Variants in WWOX observed in about 807,000 individuals in gnomAD.
WWOX encodes the protein WW domain-containing oxidoreductase.
In WWOX, 69 loss-of-function variants were observed where a neutral mutation model predicts 46.2. The ratio of observed to expected loss-of-function variants is 1.49; its 90% CI spans 1.23 to 1.82. The LOEUF (loss-of-function observed/expected upper bound fraction) is 1.82, where lower values mean the gene tolerates loss of function less well. Ranked by LOEUF, WWOX falls within the 40% of genes most tolerant of loss-of-function variation. WWOX has a pLI of 0.00. For missense variants in WWOX, 919 were observed against 542.6 expected, an observed-to-expected ratio of 1.69 and a Z score of -6.89; for synonymous variants, 359 against 202.6, an observed-to-expected ratio of 1.77 and a Z score of -6.56.
intron 8 of WWOX, among the ~76,000 whole-genome samples, chr16:78,639,411 G>T (rs947387040): frequency 6.6e-6 from 1 of 152,198 alleles, no homozygotes; most frequent in Non-Finnish European, 1.5e-5. Flanking sequence ...TCACTTTGCA[G>T]ATGAGGAAAT....
intron 5 of WWOX, among the ~76,000 whole-genome samples, chr16:78,189,458 A>G (rs2035813098): frequency 6.6e-6 from 1 of 152,160 alleles, no homozygotes; most frequent in Non-Finnish European, 1.5e-5. Flanking sequence ...TGTCTTTGTA[A>G]TAATGCTGGA....
At chr16:78,432,423 A>G in intron 7 of WWOX, 65 bp from the exon 8 acceptor site, 2 of 1,596,064 alleles carry the variant, frequency 1.3e-6, no homozygotes, top group Non-Finnish European at 1.7e-6. Context: ...GATTTCCAAT[A>G]AAAATAAAAA....
At chr16:78,936,426 T>G (rs932085316) in intron 8 of WWOX, among the ~76,000 whole-genome samples, 2 of 152,142 alleles carry the variant, frequency 1.3e-5, no homozygotes, top group African/African-American at 4.8e-5. Flanking sequence ...CTTCTTACTC[T>G]CTAGAGCTCT....
At chr16:78,989,131 T>A (rs1469615191) in intron 8 of WWOX, among the ~76,000 whole-genome samples, 3 of 152,104 alleles carry the variant, frequency 2.0e-5, no homozygotes, top group Non-Finnish European at 4.4e-5. Context: ...ATCAGCATAT[T>A]TAGAGTTCTG....
intron 8 of WWOX, among the ~76,000 whole-genome samples, chr16:78,809,756 G>C (rs181378860): frequency 4.6e-5 from 7 of 152,272 alleles, no homozygotes; most frequent in Admixed American, 3.9e-4. Context: ...TCAAAGCTTA[G>C]CTGGGACAGG....
chr16:78,944,416 T>A (rs77180146), intron 8 of WWOX, among the ~76,000 whole-genome samples: 1 of 151,994 alleles, frequency 6.6e-6, no homozygotes, highest in Admixed American at 6.6e-5. Flanking sequence ...TTGAATGGAG[T>A]CAAATTATAA....
intron 8 of WWOX, among the ~76,000 whole-genome samples, chr16:78,623,050 C>G (rs759944791): frequency 5.3e-5 from 8 of 151,934 alleles, no homozygotes; most frequent in Non-Finnish European, 1.0e-4. Flanking sequence ...TGCTAGCAAC[C>G]TAAGGGAGCT....
At chr16:79,191,989 A>G (rs575450930) in intron 8 of WWOX, among the ~76,000 whole-genome samples, 5 of 152,342 alleles carry the variant, frequency 3.3e-5, no homozygotes, top group African/African-American at 7.2e-5. Context: ...AAATACCGCA[A>G]TCACTTGAAA....
At chr16:78,119,717 T>C (rs2032994945) in intron 4 of WWOX, among the ~76,000 whole-genome samples, 1 of 151,994 alleles carries the variant, frequency 6.6e-6, no homozygotes, top group African/African-American at 2.4e-5. Flanking sequence ...CCTCCCACCT[T>C]AGCCTCCCAA....
Position 78,888,136 on chromosome 16 carries a change from CA to C in WWOX, c.1057-323470del, listed in dbSNP as rs557544283. ...CTTGTTGTAGTGTCAGTGCCATTTA[CA>C]ACAAAAAGCTGGCTCCTTTTAAAAG... is the stretch of plus-strand genomic sequence containing the variant. On this transcript the variant is annotated intron_variant, in intron 8 of 8. Transcript: ENST00000566780. Among the ~76,000 whole-genome samples the C allele has an allele frequency of 1.1e-4, 17 of 152,256 alleles. No homozygotes were observed. In the East Asian group the frequency reaches 3.3e-3, roughly 29 times the overall value.
At chr16:78,792,554 G>C (rs2142603801) in intron 8 of WWOX, among the ~76,000 whole-genome samples, 2 of 152,212 alleles carry the variant, frequency 1.3e-5, no homozygotes, top group South Asian at 4.2e-4. Context: ...AAAACTTAGG[G>C]CCATTTAATA....
intron 8 of WWOX, among the ~76,000 whole-genome samples, chr16:79,091,969 C>T (rs927373320): frequency 1.3e-5 from 2 of 151,692 alleles, no homozygotes; most frequent in Non-Finnish European, 2.9e-5. Context: ...TTAGTAGAGA[C>T]GGAGTTTCAC....
chr16:79,177,587 T>C (rs958780521), intron 8 of WWOX, among the ~76,000 whole-genome samples: 8 of 152,078 alleles, frequency 5.3e-5, no homozygotes, highest in Non-Finnish European at 1.2e-4. Context: ...AAATGGGTGA[T>C]GGAGTGGGGG....
At chr16:78,504,489 T>G (rs1041531303) in intron 8 of WWOX, among the ~76,000 whole-genome samples, 25 of 152,218 alleles carry the variant, frequency 1.6e-4, no homozygotes, top group African/African-American at 6.0e-4. Flanking sequence ...CACCTCGCAG[T>G]TTTCTTCCAG....
chr16:78,192,872 T>A (rs1176865101), intron 5 of WWOX, among the ~76,000 whole-genome samples: 1 of 152,230 alleles, frequency 6.6e-6, no homozygotes, highest in East Asian at 1.9e-4. Flanking sequence ...GTTAGAAATT[T>A]TCTCAGTCGA....
chr16:79,197,764 C>A (rs2051268819), intron 8 of WWOX, among the ~76,000 whole-genome samples: 1 of 152,088 alleles, frequency 6.6e-6, no homozygotes, highest in South Asian at 2.1e-4. Flanking sequence ...ACACCCAGGA[C>A]AAAGGGCAAG....
At chr16:78,644,788 ATATT>A (rs2046801672) in intron 8 of WWOX, among the ~76,000 whole-genome samples, 1 of 152,142 alleles carries the variant, frequency 6.6e-6, no homozygotes, top group Non-Finnish European at 1.5e-5. Context: ...TATCCAACAA[ATATT>A]TATTTCGTGA....
At chr16:78,912,263 A>G (rs943177330) in intron 8 of WWOX, among the ~76,000 whole-genome samples, 2 of 151,988 alleles carry the variant, frequency 1.3e-5, no homozygotes, top group Non-Finnish European at 2.9e-5. Flanking sequence ...GGTAATCAGG[A>G]TATATTCATT....
chr16:79,096,357 G>A (rs1262797375), intron 8 of WWOX, among the ~76,000 whole-genome samples: 2 of 152,028 alleles, frequency 1.3e-5, no homozygotes, highest in Non-Finnish European at 2.9e-5. Flanking sequence ...ATGGCATCCT[G>A]CGTCCTCTCC....
Sources: allele counts gnomAD v4.1 joint callset (sites outside exome capture counted in the v4.1 genomes callset), GRCh38; gene constraint gnomAD v4.1.1; transcripts MANE v1.5; gene names NCBI Gene and HGNC (gene_info 2026-07-23, HGNC 2026-07-21).